CTBP2: variants seen among roughly 807,000 people sequenced by gnomAD.
CTBP2 encodes C-terminal-binding protein 2.
CTBP2 carries 30 observed loss-of-function variants against 80.3 expected under a neutral mutation model. The ratio of observed to expected loss-of-function variants is 0.37; its 90% confidence interval spans 0.28 to 0.51. The LOEUF (loss-of-function observed/expected upper bound fraction) is 0.51. Among genes scored for constraint, CTBP2 ranks in the 20% least tolerant of loss-of-function variants. CTBP2 has a pLI of 0.93. For synonymous variants in CTBP2, 594 were observed against 587.4 expected, an observed-to-expected ratio of 1.01 and a Z score of -0.16; for missense variants, 1,212 against 1,375.3, an observed-to-expected ratio of 0.88 and a Z score of 1.88.
At chr10:125,064,642 AC>A (rs760655952) in intron 2 of CTBP2, among the ~76,000 whole-genome samples, 14 of 152,342 alleles carry the variant, frequency 9.2e-5, no homozygotes, top group Non-Finnish European at 1.6e-4. Context: ...GTTCTTCAGG[AC>A]AACTTGAAAT....
chr10:125,082,723 G>A (rs1432368572), intron 2 of CTBP2, among the ~76,000 whole-genome samples: 3 of 151,760 alleles, frequency 2.0e-5, no homozygotes, highest in Admixed American at 6.6e-5. Context: ...GAGTAGCTGC[G>A]ACCACAGGTG....
At chr10:125,035,566 T>C (rs1958768778) in intron 3 of CTBP2, among the ~76,000 whole-genome samples, 1 of 152,240 alleles carries the variant, frequency 6.6e-6, no homozygotes, top group African/African-American at 2.4e-5. Context: ...ACTGATTCTA[T>C]CATAATCCAC....
intron 2 of CTBP2, among the ~76,000 whole-genome samples, chr10:125,074,276 T>G (rs141425525): frequency 1.2e-3 from 179 of 152,286 alleles, no homozygotes; most frequent in African/African-American, 4.3e-3. Context: ...CTGCAGACAA[T>G]TGGCTGTAGG....
At chr10:125,145,226 C>T (rs1041927649) in intron 1 of CTBP2, among the ~76,000 whole-genome samples, 1 of 152,120 alleles carries the variant, frequency 6.6e-6, no homozygotes, top group Non-Finnish European at 1.5e-5. Context: ...CTGCTGTTGG[C>T]AGTTTCGGGC....
intron 1 of CTBP2, among the ~76,000 whole-genome samples, chr10:125,134,976 C>T (rs1315181989): frequency 6.6e-6 from 1 of 152,012 alleles, no homozygotes; most frequent in East Asian, 1.9e-4. Flanking sequence ...AACAGCCAAC[C>T]CCCGGGGACC....
rs972731595 is a variant in CTBP2 at position 125,026,948 on chromosome 10, T to G, written c.812A>C (p.Glu271Ala). 4.3e-6 allele frequency: 7 copies of G among 1,613,910 alleles called. No individual in the cohort carries two copies. The highest frequency in any genetic ancestry group is 5.1e-6 in the Non-Finnish European group (6 of 1,180,012). The stretch of plus-strand genomic sequence containing the variant: ...GGTGGACAGGTCAGCTTCGTAAGTC[T>G]CGTAAGCCATCTTGGATGGGATGCT... Residue 271 changes from glutamate to alanine, a missense_variant, in exon 1 of 9, where the codon GAG becomes GCG. Glu to Ala is a moderately radical substitution (Grantham distance 107, BLOSUM62 -1). Around this residue, in one of 3 missense-constraint regions of CTBP2, gnomAD observed 848 missense variants for 782.3 expected, o/e 1.08. Transcript: ENST00000309035.
chr10:125,093,338 G>A lies in CTBP2; in HGVS notation c.-102+17652C>T, dbSNP rs923433161. 3.3e-5 allele frequency among the ~76,000 whole-genome samples: 5 copies of A among 152,304 alleles called. No individual in the cohort carries two copies. The South Asian group carries it at 8.3e-4, about 25-fold the overall frequency. On this transcript the variant is annotated intron_variant, in intron 2 of 10. Coordinates refer to the CTBP2 transcript ENST00000337195. The stretch of plus-strand genomic sequence containing the variant: ...TGAATTCTCACTGAAGAATTCCAGC[G>A]GCCAAATGTCCTTTCTAATCCTGTG...
At chr10:125,109,636 T>C (rs1411042899) in intron 2 of CTBP2, among the ~76,000 whole-genome samples, 2 of 152,218 alleles carry the variant, frequency 1.3e-5, no homozygotes, top group Non-Finnish European at 2.9e-5. Flanking sequence ...TGTTCAAAGA[T>C]GACTGAGGGG....
chr10:125,126,602 T>A (rs568544141), intron 1 of CTBP2, among the ~76,000 whole-genome samples: 1 of 152,232 alleles, frequency 6.6e-6, no homozygotes, highest in Non-Finnish European at 1.5e-5. Context: ...ACAAGCCACG[T>A]ACTTGTTCCT....
intron 1 of CTBP2, among the ~76,000 whole-genome samples, chr10:125,139,374 C>CAA (rs33963277): frequency 0.022 from 2,094 of 96,104 alleles, 73 homozygotes; most frequent in African/African-American, 0.069. Context: ...TAGACTGTCT[C>CAA]AAAAAAAAAA....
intron 1 of CTBP2, among the ~76,000 whole-genome samples, chr10:125,010,911 T>C (rs1246390693): frequency 6.6e-5 from 10 of 152,210 alleles, no homozygotes. Flanking sequence ...AAGCTCACAA[T>C]CTGCAGCATA....
intron 2 of CTBP2, among the ~76,000 whole-genome samples, chr10:125,050,365 A>C (rs1962421275): frequency 6.6e-6 from 1 of 152,228 alleles, no homozygotes; most frequent in Admixed American, 6.5e-5. Context: ...AAAGAGAAAA[A>C]TCTTAGTCTT....
At chr10:125,127,391 G>A (rs11245510) in intron 1 of CTBP2, among the ~76,000 whole-genome samples, 36,373 of 152,120 alleles carry the variant, frequency 0.24, 4,329 homozygotes, top group African/African-American at 0.26. Context: ...GCAGGTCACC[G>A]GGGCTAGCCG....
At chr10:125,128,433 G>C (rs1855616462) in intron 1 of CTBP2, among the ~76,000 whole-genome samples, 1 of 152,190 alleles carries the variant, frequency 6.6e-6, no homozygotes, top group African/African-American at 2.4e-5. Context: ...GGGAAGGAAT[G>C]AAGGAACAAG....
At chr10:125,115,628 A>G (rs1853117941) in intron 1 of CTBP2, among the ~76,000 whole-genome samples, 2 of 152,214 alleles carry the variant, frequency 1.3e-5, no homozygotes, top group Non-Finnish European at 2.9e-5. Context: ...CAGACTCCAG[A>G]CATGTCTCCA....
Position 124,988,306 on chromosome 10 carries a change from T to C in CTBP2, c.*1212A>G, listed in dbSNP as rs1952133329. ...CTCAAGTAGAGAACATTTACATTAG[T>C]GAGATGTACTTGAATTTCAGAACTT... On this transcript the variant is annotated 3_prime_UTR_variant, in exon 9 of 9. Transcript: ENST00000309035. The C allele has an allele frequency of 6.6e-6, 1 of 152,644 alleles. No homozygotes were observed. The highest frequency in any genetic ancestry group is 1.9e-4 in the East Asian group (1 of 5,204). 9.5% of individuals were successfully genotyped at this position (152,644 alleles called of 1,614,324 possible).
At chr10:125,094,795 C>T (rs1849306777) in intron 2 of CTBP2, among the ~76,000 whole-genome samples, 2 of 151,900 alleles carry the variant, frequency 1.3e-5, no homozygotes, top group African/African-American at 2.4e-5. Flanking sequence ...TTAAAGGAAT[C>T]GTAAGTTGAA....
At chr10:125,085,077 T>A (rs1847779165) in intron 2 of CTBP2, among the ~76,000 whole-genome samples, 1 of 152,130 alleles carries the variant, frequency 6.6e-6, no homozygotes, top group African/African-American at 2.4e-5. Flanking sequence ...CTCATGACCA[T>A]GGGACTGCGA....
At chr10:125,014,215 C>A (rs1186087848) in intron 1 of CTBP2, among the ~76,000 whole-genome samples, 1 of 152,194 alleles carries the variant, frequency 6.6e-6, no homozygotes, top group African/African-American at 2.4e-5. Context: ...CTCACGGTGT[C>A]CTATTGGCCC....
Sources: gnomAD v4.1 joint callset for allele counts (sites outside exome capture counted in the v4.1 genomes callset) on GRCh38, gnomAD v4.1.1 for gene constraint, gnomAD v4.1.1 regional missense constraint, MANE v1.5 for transcripts, NCBI Gene and HGNC (gene_info 2026-07-23, HGNC 2026-07-21) for gene names.